Variants in SCHIP1 observed in about 807,000 individuals in gnomAD.
The protein encoded by SCHIP1 is schwannomin interacting protein 1, also known as schwannomin-interacting protein 1.
Under a neutral mutation model 29.7 loss-of-function variants are expected in SCHIP1, and 8 were observed. The ratio of observed to expected loss-of-function variants is 0.27; its 90% confidence interval spans 0.16 to 0.49. SCHIP1 has a LOEUF of 0.49. SCHIP1 is among the 20% of genes least tolerant of loss of function. The pLI is 0.99. For missense variants in SCHIP1, 193 were observed against 294.6 expected (o/e 0.66, Z 2.52); for synonymous variants, 76 against 94.9 (o/e 0.80, Z 1.16).
chr3:159,705,326 C>A, the SCHIP1 span, among the ~76,000 whole-genome samples: 2 of 152,008 alleles, frequency 1.3e-5, no homozygotes, highest in Non-Finnish European at 2.9e-5. Flanking sequence ...TTCTATGTGA[C>A]CACATTGTCT....
the SCHIP1 span, among the ~76,000 whole-genome samples, chr3:159,518,158 C>A: frequency 6.6e-6 from 1 of 152,010 alleles, no homozygotes; most frequent in African/African-American, 2.4e-5. Flanking sequence ...AAGGTTGAGA[C>A]TATTTGTCAT....
At chr3:159,836,450 A>G (rs1167594345), upstream of SCHIP1, among the ~76,000 whole-genome samples, 1 of 152,190 alleles carries the variant, frequency 6.6e-6, no homozygotes, top group Non-Finnish European at 1.5e-5. Flanking sequence ...TGGTGATTAG[A>G]TTTCCACATA....
chr3:159,376,107 G>T, the SCHIP1 span, among the ~76,000 whole-genome samples: 1 of 152,100 alleles, frequency 6.6e-6, no homozygotes, highest in Non-Finnish European at 1.5e-5. Context: ...GCTTAGAAAG[G>T]TGATGAAAAG....
At chr3:159,355,488 T>G in the SCHIP1 span, among the ~76,000 whole-genome samples, 55 of 152,262 alleles carry the variant, frequency 3.6e-4, no homozygotes, top group African/African-American at 1.3e-3. Context: ...TGACATCATA[T>G]AAGATCAGAT....
chr3:159,823,832 A>C, the SCHIP1 span, among the ~76,000 whole-genome samples: 1 of 152,048 alleles, frequency 6.6e-6, no homozygotes, highest in African/African-American at 2.4e-5. Context: ...ACCACCCTAA[A>C]ATTCTTAATG....
the SCHIP1 span, among the ~76,000 whole-genome samples, chr3:159,528,905 T>C: frequency 4.5e-4 from 68 of 152,310 alleles, no homozygotes; most frequent in African/African-American, 1.3e-3. Flanking sequence ...CTCCAATCTC[T>C]GTTAAATAAT....
intron 1 of SCHIP1, chr3:159,853,299 AG>A: frequency 3.2e-6 from 2 of 626,422 alleles, no homozygotes; most frequent in South Asian, 1.9e-5. Flanking sequence ...AGCAGTAACC[AG>A]GGAACTGGGC....
intron 2 of SCHIP1, among the ~76,000 whole-genome samples, chr3:159,878,064 A>T (rs538323396): frequency 1.3e-5 from 2 of 152,340 alleles, no homozygotes; most frequent in South Asian, 2.1e-4. Context: ...CTGCATAGAC[A>T]TGGCTGAGTC....
chr3:159,292,119 T>G, the SCHIP1 span, among the ~76,000 whole-genome samples: 2 of 152,182 alleles, frequency 1.3e-5, no homozygotes, highest in African/African-American at 4.8e-5. Context: ...ATTTTAGAGA[T>G]AGATATTGAA....
the SCHIP1 span, among the ~76,000 whole-genome samples, chr3:159,616,167 G>A: frequency 6.6e-6 from 1 of 152,312 alleles, no homozygotes; most frequent in South Asian, 2.1e-4. Context: ...TACAAGCTCT[G>A]GGGCAAGATA....
chr3:159,764,506 G>A, the SCHIP1 span: 7 of 1,586,754 alleles, frequency 4.4e-6, no homozygotes, highest in Admixed American at 1.8e-5. This position sits in a 1 kb window ranked among gnomAD's most constrained non-coding sequence, Gnocchi z 6.1. Flanking sequence ...CAGCAGCCGC[G>A]CCAGTTCACA....
At chr3:159,631,952 TTC>T in the SCHIP1 span, among the ~76,000 whole-genome samples, 2 of 152,214 alleles carry the variant, frequency 1.3e-5, no homozygotes, top group Non-Finnish European at 2.9e-5. Flanking sequence ...CTTATTTGTA[TTC>T]TTTTTTCCTT....
chr3:159,294,768 G>T, the SCHIP1 span, among the ~76,000 whole-genome samples: 1,446 of 152,260 alleles, frequency 9.5e-3, 14 homozygotes, highest in African/African-American at 0.014. Context: ...CTCAGAGGAT[G>T]ATGAAGTAGA....
the SCHIP1 span, among the ~76,000 whole-genome samples, chr3:159,372,418 TTAAA>T: frequency 6.6e-6 from 1 of 152,166 alleles, no homozygotes; most frequent in Non-Finnish European, 1.5e-5. Context: ...TTAAAAATGT[TTAAA>T]TAATTTTGAT....
chr3:159,831,233 A>G, the SCHIP1 span, among the ~76,000 whole-genome samples: 1 of 152,212 alleles, frequency 6.6e-6, no homozygotes, highest in Non-Finnish European at 1.5e-5. Flanking sequence ...GGCTCAGATG[A>G]TTTAGTGTGT....
the SCHIP1 span, among the ~76,000 whole-genome samples, chr3:159,438,400 C>T: frequency 6.6e-6 from 1 of 152,130 alleles, no homozygotes; most frequent in Non-Finnish European, 1.5e-5. Flanking sequence ...TTCGAAGACC[C>T]ATCTCTTCTA....
the SCHIP1 span, among the ~76,000 whole-genome samples, chr3:159,712,858 A>G: frequency 2.3e-4 from 35 of 149,836 alleles, no homozygotes; most frequent in Admixed American, 4.6e-4. Flanking sequence ...GAGAGAGAGA[A>G]AGAGAGAGAG....
the SCHIP1 span, among the ~76,000 whole-genome samples, chr3:159,560,691 A>C: frequency 1.4e-5 from 2 of 141,092 alleles, no homozygotes; most frequent in South Asian, 2.3e-4. Context: ...CTCCCCCATC[A>C]CTCTCAAGTT....
At chr3:159,496,515 C>T in the SCHIP1 span, among the ~76,000 whole-genome samples, 1 of 152,186 alleles carries the variant, frequency 6.6e-6, no homozygotes, top group Non-Finnish European at 1.5e-5. Flanking sequence ...TGCTCATCAT[C>T]ACTGGCCATC....
Sources: allele counts gnomAD v4.1 joint callset (sites outside exome capture counted in the v4.1 genomes callset), GRCh38; gene constraint gnomAD v4.1.1; non-coding constraint Gnocchi (gnomAD v3.1); transcripts MANE v1.5; gene names NCBI Gene and HGNC (gene_info 2026-07-23, HGNC 2026-07-21).